DPYSL3: variants seen among roughly 807,000 people sequenced by gnomAD.
The protein encoded by DPYSL3 is dihydropyrimidinase-related protein 3.
Under a neutral mutation model 66.1 loss-of-function variants are expected in DPYSL3, and 16 were observed. The observed-to-expected ratio is 0.24, with a 90% CI of 0.16 to 0.37. The LOEUF is 0.37. Ranked by LOEUF, DPYSL3 falls within the 10% of genes least tolerant of loss-of-function variation. The probability of loss-of-function intolerance (pLI) is 1.00; values close to 1 mark genes in which losing one functional copy is unlikely to be tolerated. For synonymous variants in DPYSL3, 338 were observed against 345.1 expected, an observed-to-expected ratio of 0.98 and a Z score of 0.23; for missense variants, 738 against 916.2, an observed-to-expected ratio of 0.81 and a Z score of 2.51.
chr5:147,411,260 T>C (rs1751846935), intron 6 of DPYSL3, among the ~76,000 whole-genome samples: 1 of 152,144 alleles, frequency 6.6e-6, no homozygotes, highest in Non-Finnish European at 1.5e-5. Flanking sequence ...CTAATTAGCC[T>C]CCTTGGTCAT....
At chr5:147,451,745 T>C (rs1752732242) in intron 1 of DPYSL3, among the ~76,000 whole-genome samples, 1 of 152,234 alleles carries the variant, frequency 6.6e-6, no homozygotes, top group African/African-American at 2.4e-5. Context: ...TAGAATAGCA[T>C]GAGAGCTGTG....
chr5:147,418,544 G>A lies in DPYSL3; in HGVS notation c.558C>T (p.Val186=). ...TATATGGCATCTGGAAGTGAGTATG[G>A]ACATCGATGCCTCCAGGGATCACCA... The part of the protein sequence containing the change: ...GKMVIPGGID[V]HTHFQMPYKG... Residue 186 remains valine (V), a synonymous_variant, in exon 3 of 14, where the codon GTC becomes GTT. Transcript: ENST00000343218. The A allele has an allele frequency of 6.2e-7, 1 of 1,613,594 alleles. No homozygotes were observed. Among genetic ancestry groups the A allele is most frequent in the Non-Finnish European group, 8.5e-7 (1 of 1,179,752 alleles).
At chr5:147,398,999 A>C (rs2152016108) in intron 11 of DPYSL3, 83 bp downstream of exon 11, 8 of 1,534,916 alleles carry the variant, frequency 5.2e-6, no homozygotes, top group Non-Finnish European at 7.0e-6. Flanking sequence ...CTACCCTGGC[A>C]CACCACATAA....
chr5:147,442,811 T>G (rs1162311924), intron 1 of DPYSL3, among the ~76,000 whole-genome samples: 1 of 150,768 alleles, frequency 6.6e-6, no homozygotes, highest in East Asian at 2.0e-4. Flanking sequence ...GTAAACAATA[T>G]GTGGAATCAT....
At chr5:147,490,720 C>CAG (rs1753402646) in intron 1 of DPYSL3, among the ~76,000 whole-genome samples, 1 of 152,136 alleles carries the variant, frequency 6.6e-6, no homozygotes, top group Non-Finnish European at 1.5e-5. Flanking sequence ...CAGACAGATA[C>CAG]AGAGAATCAC....
intron 8 of DPYSL3, among the ~76,000 whole-genome samples, chr5:147,405,153 A>G (rs1235342020): frequency 6.6e-6 from 1 of 152,202 alleles, no homozygotes; most frequent in Admixed American, 6.5e-5. Context: ...TAAGCGTGAC[A>G]AACACCTAAT....
intron 12 of DPYSL3, among the ~76,000 whole-genome samples, chr5:147,396,950 A>G (rs892452262): frequency 1.7e-5 from 2 of 114,396 alleles, no homozygotes; most frequent in African/African-American, 7.4e-5. Context: ...ATATTTATTT[A>G]TACGCATTTT....
intron 1 of DPYSL3, among the ~76,000 whole-genome samples, chr5:147,456,149 C>T (rs1204563561): frequency 6.6e-6 from 1 of 152,204 alleles, no homozygotes; most frequent in Non-Finnish European, 1.5e-5. Flanking sequence ...TTATCTTTCA[C>T]TTTCTTGAAC....
intron 1 of DPYSL3, among the ~76,000 whole-genome samples, chr5:147,456,647 G>T (rs1752858179): frequency 7.1e-6 from 1 of 141,582 alleles, no homozygotes; most frequent in African/African-American, 2.7e-5. Flanking sequence ...CTGGAGTGCA[G>T]TGGGGTGATC....
At chr5:147,453,747 C>CGCG (rs1430587831) in intron 1 of DPYSL3, 1 of 1,315,762 alleles carries the variant, frequency 7.6e-7, no homozygotes, top group Non-Finnish European at 9.7e-7. Flanking sequence ...CCCGGGCTCC[C>CGCG]GCGGCGGCTG....
At position 147,393,754 on chromosome 5, in the gene DPYSL3, G is replaced by C. The variant is rs901890279; in HGVS notation, c.*281C>G. The C allele has an allele frequency of 2.3e-6, 1 of 429,302 alleles. No individual in the cohort carries two copies. The allele number at this position is 429,302 out of a possible 1,614,324, so 26.6% of individuals were successfully genotyped here. A position where few individuals can be genotyped will look rare whatever the true frequency, so the allele number is the denominator to read the frequency against. ...GCACTACACACGCTCTCAACACTAT[G>C]ATAGAGCAGACTCTTTTACCTTAGT... On this transcript the variant is annotated 3_prime_UTR_variant, in exon 14 of 14. Transcript: ENST00000343218.
At chr5:147,401,452 T>C in intron 9 of DPYSL3, 88 bp downstream of exon 9, 1 of 1,423,386 alleles carries the variant, frequency 7.0e-7, no homozygotes, top group Non-Finnish European at 9.4e-7. Context: ...GTCAAGTTTA[T>C]AGATGGGACT....
chr5:147,459,780 C>A (rs1162025368), intron 1 of DPYSL3, among the ~76,000 whole-genome samples: 1 of 152,196 alleles, frequency 6.6e-6, no homozygotes, highest in Non-Finnish European at 1.5e-5. Flanking sequence ...GCTCTGATGG[C>A]AACTCATATC....
chr5:147,445,353 T>C (rs1486468028), intron 1 of DPYSL3, among the ~76,000 whole-genome samples: 1 of 152,252 alleles, frequency 6.6e-6, no homozygotes, highest in Non-Finnish European at 1.5e-5. Flanking sequence ...CCAGTGATCC[T>C]ATGCCTTAAG....
intron 1 of DPYSL3, among the ~76,000 whole-genome samples, chr5:147,461,941 C>T (rs1476258075): frequency 6.6e-6 from 1 of 152,094 alleles, no homozygotes; most frequent in African/African-American, 2.4e-5. Flanking sequence ...GAACCCCTAC[C>T]CCACCAAAGA....
chr5:147,478,906 C>T lies in DPYSL3; in HGVS notation c.381+30572G>A, dbSNP rs190328854. Among the ~76,000 whole-genome samples the T allele has an allele frequency of 6.1e-3, 927 of 152,102 alleles. 5 individuals carry two copies. The highest frequency in any genetic ancestry group is 0.01 in the Non-Finnish European group (680 of 67,986). ...CACTGTCTCCCCAAACTGTCAGCAC[C>T]CTGAAGACAAAAACTTTATTCCATT... On this transcript the variant is annotated intron_variant, in intron 1 of 13. Coordinates refer to ENST00000343218, the MANE Select transcript of DPYSL3 (RefSeq NM_001197294.2).
intron 1 of DPYSL3, among the ~76,000 whole-genome samples, chr5:147,492,488 T>C (rs1169443860): frequency 6.6e-6 from 1 of 152,168 alleles, no homozygotes. Flanking sequence ...CATCTGCTTC[T>C]GTATAATTGA....
intron 1 of DPYSL3, among the ~76,000 whole-genome samples, chr5:147,443,174 C>T (rs1398444427): frequency 6.6e-6 from 1 of 152,144 alleles, no homozygotes; most frequent in African/African-American, 2.4e-5. Flanking sequence ...ATAAATCATC[C>T]TACTATAAAG....
chr5:147,507,136 G>A (rs1753693274), intron 1 of DPYSL3, among the ~76,000 whole-genome samples: 1 of 152,120 alleles, frequency 6.6e-6, no homozygotes, highest in African/African-American at 2.4e-5. Context: ...CAAGAAATAT[G>A]TTGTTATGTT....
Sources: gnomAD v4.1 joint callset for allele counts (sites outside exome capture counted in the v4.1 genomes callset) on GRCh38, gnomAD v4.1.1 for gene constraint, MANE v1.5 for transcripts, NCBI Gene and HGNC (gene_info 2026-07-23, HGNC 2026-07-21) for gene names.